Variants in PTGFRN observed in about 807,000 individuals in gnomAD.
The protein encoded by PTGFRN is prostaglandin F2 receptor inhibitor.
Under a neutral mutation model 83.2 loss-of-function variants are expected in PTGFRN, and 35 were observed. The ratio of observed to expected loss-of-function variants is 0.42; its 90% CI spans 0.32 to 0.56. The LOEUF (loss-of-function observed/expected upper bound fraction) is 0.56, where lower values mean the gene tolerates loss of function less well. PTGFRN is among the 20% of genes least tolerant of loss of function. PTGFRN has a pLI of 0.11. For missense variants in PTGFRN, 1,051 were observed against 1,179.5 expected, an observed-to-expected ratio of 0.89 and a Z score of 1.60; for synonymous variants, 519 against 498.6, an observed-to-expected ratio of 1.04 and a Z score of -0.55.
chr1:116,950,675 G>A (rs1650321213), intron 4 of PTGFRN, among the ~76,000 whole-genome samples: 1 of 151,630 alleles, frequency 6.6e-6, no homozygotes, highest in South Asian at 2.1e-4. Context: ...GCCTTTATTT[G>A]GCAAAGATGG....
At position 116,915,029 on chromosome 1, in the gene PTGFRN, T is replaced by G. The variant is rs77396359; in HGVS notation, c.49+4777T>G. 6.9e-3 allele frequency among the ~76,000 whole-genome samples: 1,050 copies of G among 152,324 alleles called. 3 individuals carry two copies. The highest frequency in any genetic ancestry group is 0.011 in the Non-Finnish European group (756 of 68,030). On this transcript the variant is annotated intron_variant, in intron 1 of 8. Transcript: ENST00000393203. ...TCTTTATTACAGATAAGGAAACTGA[T>G]GCCCAGAAAAGTTAGTTAACTTGTC...
intron 6 of PTGFRN, among the ~76,000 whole-genome samples, chr1:116,973,402 C>T (rs969462256): frequency 6.6e-6 from 1 of 152,014 alleles, no homozygotes; most frequent in South Asian, 2.1e-4. Flanking sequence ...GTCAGGGGTT[C>T]GAGACCAGGC....
chr1:116,912,019 C>A (rs1262112443), intron 1 of PTGFRN, among the ~76,000 whole-genome samples: 1 of 152,160 alleles, frequency 6.6e-6, no homozygotes, highest in African/African-American at 2.4e-5. Flanking sequence ...TAGAGCTGTG[C>A]AGTTCTCTGA....
At chr1:116,936,515 A>G (rs951811194) in intron 1 of PTGFRN, among the ~76,000 whole-genome samples, 14 of 152,184 alleles carry the variant, frequency 9.2e-5, no homozygotes, top group Admixed American at 8.5e-4. Flanking sequence ...AGGAGTACCT[A>G]AGTGATCCTA....
chr1:116,932,103 T>A (rs562169852), intron 1 of PTGFRN, among the ~76,000 whole-genome samples: 1 of 152,348 alleles, frequency 6.6e-6, no homozygotes, highest in South Asian at 2.1e-4. Flanking sequence ...GCAAATATGC[T>A]ATACTCTGCA....
chr1:116,942,087 C>G lies in PTGFRN; in HGVS notation c.418+4C>G. The G allele has an allele frequency of 6.2e-7, 1 of 1,604,260 alleles. No homozygotes were observed. Among genetic ancestry groups the G allele is most frequent in the Non-Finnish European group, 8.5e-7 (1 of 1,173,004 alleles). On this transcript the variant is annotated splice_donor_region_variant and intron_variant, in intron 2 of 8. Coordinates refer to ENST00000393203, the MANE Select transcript of PTGFRN (RefSeq NM_020440.4). ...GAGGACACAGTGCAGGTTAAAGGTA[C>G]AGTCCTCACATGGGCTTGTTATGCC... is the stretch of plus-strand genomic sequence containing the variant.
chr1:116,944,808 T>A lies in PTGFRN; in HGVS notation c.548T>A (p.Leu183Gln). 1 of 1,571,456 alleles carries A rather than the reference T, an allele frequency of 6.4e-7. No individual in the cohort carries two copies. Among genetic ancestry groups the A allele is most frequent in the Non-Finnish European group, 8.6e-7 (1 of 1,162,338 alleles). Residue 183 changes from leucine (L) to glutamine (Q), a missense_variant, in exon 3 of 9, where the codon CTG (leucine) becomes CAG (glutamine). This residue lies in a region of PTGFRN where 205 missense variants were observed against 174.5 expected (regional missense o/e 1.17). Coordinates refer to ENST00000393203, the MANE Select transcript of PTGFRN (RefSeq NM_020440.4). ...SASPLHTHLA[L>Q]LWEVHRGPAR... ...TCGCCGCTGCACACGCACCTGGCGCTGCTGTGGGAGGTGCACCGCGGCCCG... is the reference window on the plus strand; with the variant it reads ...TCGCCGCTGCACACGCACCTGGCGCAGCTGTGGGAGGTGCACCGCGGCCCG...
At chr1:116,971,496 T>C (rs964015612) in intron 6 of PTGFRN, among the ~76,000 whole-genome samples, 4 of 152,182 alleles carry the variant, frequency 2.6e-5, no homozygotes, top group African/African-American at 7.2e-5. Flanking sequence ...CTCTGTACCA[T>C]ACCCTGTCAT....
At chr1:116,921,509 C>T (rs1649535289) in intron 1 of PTGFRN, among the ~76,000 whole-genome samples, 1 of 152,192 alleles carries the variant, frequency 6.6e-6, no homozygotes, top group Non-Finnish European at 1.5e-5. Context: ...CACGGCATGA[C>T]ACAGCACAGG....
chr1:116,986,152 G>A (rs942782557), intron 8 of PTGFRN, among the ~76,000 whole-genome samples: 1 of 151,104 alleles, frequency 6.6e-6, no homozygotes, highest in African/African-American at 2.4e-5. Flanking sequence ...CAAACGTAAA[G>A]CACCTAGCCC....
At chr1:116,963,297 C>T (rs964746967) in intron 5 of PTGFRN, among the ~76,000 whole-genome samples, 2 of 152,232 alleles carry the variant, frequency 1.3e-5, no homozygotes, top group African/African-American at 4.8e-5. Flanking sequence ...CACCTTCTGT[C>T]TCTGCAAACC....
intron 1 of PTGFRN, among the ~76,000 whole-genome samples, chr1:116,916,455 T>G (rs1175563773): frequency 6.6e-6 from 1 of 152,148 alleles, no homozygotes; most frequent in African/African-American, 2.4e-5. Context: ...CCAAGAATAT[T>G]CTGATAATGG....
At chr1:116,945,787 G>C (rs1016738668) in intron 3 of PTGFRN, among the ~76,000 whole-genome samples, 4 of 146,992 alleles carry the variant, frequency 2.7e-5, no homozygotes, top group Non-Finnish European at 4.5e-5. Context: ...AATTATAGAA[G>C]TAATTAAGAA....
chr1:116,974,077 C>T (rs1332725750), intron 6 of PTGFRN, 139 bp from the exon 7 acceptor site: 4 of 623,718 alleles, frequency 6.4e-6, no homozygotes, highest in Admixed American at 3.0e-5. Context: ...GAGAGGCAAC[C>T]TTGGAACACC....
intron 1 of PTGFRN, among the ~76,000 whole-genome samples, chr1:116,931,152 T>C (rs1649788831): frequency 6.6e-6 from 1 of 152,250 alleles, no homozygotes; most frequent in Admixed American, 6.5e-5. Context: ...GAGGTCATGC[T>C]CGGAGGAAAT....
intron 7 of PTGFRN, among the ~76,000 whole-genome samples, chr1:116,978,264 A>T (rs1392902825): frequency 6.6e-6 from 1 of 152,224 alleles, no homozygotes; most frequent in Non-Finnish European, 1.5e-5. Flanking sequence ...CCAGGAGCAG[A>T]CGGATTCACA....
At position 116,954,386 on chromosome 1, in the gene PTGFRN, G is replaced by A. The variant is rs767459359; in HGVS notation, c.1213+4814G>A. 3.0e-4 allele frequency among the ~76,000 whole-genome samples: 46 copies of A among 151,502 alleles called. 1 individual carries two copies. Among genetic ancestry groups the A allele is most frequent in the Admixed American group, 5.9e-4 (9 of 15,174 alleles). On this transcript the variant is annotated intron_variant, in intron 4 of 8. Transcript: ENST00000393203. Reference sequence around the variant, plus strand: ...TTGTTATACAAATGGTGATCGTGGTGTCATTTTGACGATTGGTCAATATGC... The same window carrying A: ...TTGTTATACAAATGGTGATCGTGGTATCATTTTGACGATTGGTCAATATGC...
chr1:116,928,539 C>T (rs1232993656), intron 1 of PTGFRN, among the ~76,000 whole-genome samples: 1 of 152,190 alleles, frequency 6.6e-6, no homozygotes, highest in East Asian at 1.9e-4. Flanking sequence ...TCACACCAAT[C>T]GTAGTTTGTA....
intron 1 of PTGFRN, among the ~76,000 whole-genome samples, chr1:116,925,320 C>T (rs565432373): frequency 3.3e-5 from 5 of 151,924 alleles, no homozygotes; most frequent in East Asian, 1.9e-4. Flanking sequence ...CCTAGCTACT[C>T]GGAGGTTGAG....
Sources: gnomAD v4.1 joint callset for allele counts (sites outside exome capture counted in the v4.1 genomes callset) on GRCh38, gnomAD v4.1.1 for gene constraint, gnomAD v4.1.1 regional missense constraint, MANE v1.5 for transcripts, NCBI Gene and HGNC (gene_info 2026-07-23, HGNC 2026-07-21) for gene names.